The following OR9Q1 variants were observed in gnomAD, a reference collection of about 807,000 sequenced individuals.
OR9Q1 encodes the protein olfactory receptor family 9 subfamily Q member 1.
For missense variants in OR9Q1, 374 were observed against 378.8 expected, an observed-to-expected ratio of 0.99 and a Z score of 0.11; for synonymous variants, 153 against 148.6, an observed-to-expected ratio of 1.03 and a Z score of -0.22.
chr11:58,116,370 C>A (rs948966933), intron 2 of OR9Q1, among the ~76,000 whole-genome samples: 6 of 152,186 alleles, frequency 3.9e-5, no homozygotes, highest in Non-Finnish European at 7.3e-5. Context: ...GTGTGTATAG[C>A]TAGGCCACTG....
At chr11:58,040,846 G>C (rs1293756686) in intron 1 of OR9Q1, 2 of 152,240 alleles carry the variant, frequency 1.3e-5, no homozygotes, top group Non-Finnish European at 2.9e-5. Flanking sequence ...GGAGAAGGAT[G>C]ATGTAGCATT....
intron 1 of OR9Q1, chr11:58,031,376 TG>T: frequency 6.2e-7 from 1 of 1,614,222 alleles, no homozygotes; most frequent in Non-Finnish European, 8.5e-7. Context: ...TTTTGTGTCC[TG>T]GGGCACCTGC....
At chr11:58,035,405 T>C (rs1476418364) in intron 1 of OR9Q1, among the ~76,000 whole-genome samples, 1 of 152,216 alleles carries the variant, frequency 6.6e-6, no homozygotes, top group Non-Finnish European at 1.5e-5. Flanking sequence ...TATAGACTGC[T>C]CCCCTATGTC....
At chr11:58,175,004 G>A (rs997403332) in intron 2 of OR9Q1, among the ~76,000 whole-genome samples, 2 of 149,496 alleles carry the variant, frequency 1.3e-5, no homozygotes, top group African/African-American at 4.9e-5. Context: ...TACTAGGGTG[G>A]CTGAGGCATG....
At chr11:58,118,557 A>G (rs779733614) in intron 2 of OR9Q1, 80 of 1,613,692 alleles carry the variant, frequency 5.0e-5, no homozygotes, top group Non-Finnish European at 6.6e-5. Flanking sequence ...CGTCTTTTAC[A>G]TCTTTGTTTC....
intron 2 of OR9Q1, among the ~76,000 whole-genome samples, chr11:58,099,095 A>T (rs1400408873): frequency 6.6e-6 from 1 of 151,844 alleles, no homozygotes; most frequent in East Asian, 1.9e-4. Context: ...CCAACATGTG[A>T]TCCATTTTGG....
intron 1 of OR9Q1, among the ~76,000 whole-genome samples, chr11:58,027,837 T>C (rs962850045): frequency 5.3e-5 from 8 of 152,204 alleles, no homozygotes; most frequent in Admixed American, 2.0e-4. Flanking sequence ...ATCCTTTCAA[T>C]GTAGCTAATC....
intron 2 of OR9Q1, among the ~76,000 whole-genome samples, chr11:58,132,058 T>C (rs1271265663): frequency 6.6e-6 from 1 of 152,184 alleles, no homozygotes; most frequent in African/African-American, 2.4e-5. Flanking sequence ...TCTTCAACTT[T>C]CTGACTATCC....
chr11:58,146,464 AGTAT>A (rs1854299824), intron 2 of OR9Q1, among the ~76,000 whole-genome samples: 2 of 152,176 alleles, frequency 1.3e-5, no homozygotes, highest in African/African-American at 4.8e-5. Flanking sequence ...GAATATTTTA[AGTAT>A]GTATTATATC....
chr11:58,060,960 A>G (rs1853375372), intron 2 of OR9Q1, among the ~76,000 whole-genome samples: 1 of 152,128 alleles, frequency 6.6e-6, no homozygotes, highest in Non-Finnish European at 1.5e-5. Flanking sequence ...CCTTTGTCAC[A>G]TCATTGCTGA....
At chr11:58,124,605 T>C (rs906379402) in intron 2 of OR9Q1, 1 of 152,214 alleles carries the variant, frequency 6.6e-6, no homozygotes, top group African/African-American at 2.4e-5. Flanking sequence ...GTCAGGTAGA[T>C]GCTAAGCACT....
intron 2 of OR9Q1, among the ~76,000 whole-genome samples, chr11:58,082,102 T>A (rs1471634082): frequency 6.6e-6 from 1 of 152,068 alleles, no homozygotes; most frequent in African/African-American, 2.4e-5. Context: ...CATTAAAAAG[T>A]CAGGAAACAA....
chr11:58,161,724 G>A (rs1013365885), intron 2 of OR9Q1, among the ~76,000 whole-genome samples: 1 of 152,056 alleles, frequency 6.6e-6, no homozygotes, highest in Non-Finnish European at 1.5e-5. Flanking sequence ...TAGAGATGGG[G>A]TTTCGCTCTG....
At chr11:58,102,952 C>G (rs986795460) in intron 2 of OR9Q1, among the ~76,000 whole-genome samples, 4 of 151,960 alleles carry the variant, frequency 2.6e-5, no homozygotes, top group African/African-American at 7.3e-5. Flanking sequence ...TTCACAAGTT[C>G]ATAAATTCTT....
chr11:58,112,534 G>A (rs778811678), intron 2 of OR9Q1, among the ~76,000 whole-genome samples: 1 of 152,052 alleles, frequency 6.6e-6, no homozygotes, highest in African/African-American at 2.4e-5. Flanking sequence ...ATGTCCCGTT[G>A]GACTTGCATA....
At chr11:58,154,295 T>C (rs866763266) in intron 2 of OR9Q1, among the ~76,000 whole-genome samples, 1 of 152,020 alleles carries the variant, frequency 6.6e-6, no homozygotes, top group African/African-American at 2.4e-5. Context: ...CCCAGTGGCC[T>C]GGAGACACAA....
chr11:58,128,783 G>A (rs1854113692), intron 2 of OR9Q1, among the ~76,000 whole-genome samples: 2 of 152,088 alleles, frequency 1.3e-5, no homozygotes, highest in Admixed American at 1.3e-4. Context: ...AATTCCATAT[G>A]TCAAAACATC....
chr11:58,053,358 A>G (rs1853287062), intron 1 of OR9Q1, among the ~76,000 whole-genome samples: 1 of 148,548 alleles, frequency 6.7e-6, no homozygotes, highest in Admixed American at 6.9e-5. Context: ...ACAAAAAACC[A>G]AACACCACAT....
At chr11:58,045,790 C>G (rs1428429840) in intron 1 of OR9Q1, among the ~76,000 whole-genome samples, 1 of 152,214 alleles carries the variant, frequency 6.6e-6, no homozygotes, top group African/African-American at 2.4e-5. Context: ...ACTACAAACA[C>G]TACCTAAGCC....
Sources: gnomAD v4.1 joint callset for allele counts (sites outside exome capture counted in the v4.1 genomes callset) on GRCh38, gnomAD v4.1.1 for gene constraint, MANE v1.5 for transcripts, NCBI Gene and HGNC (gene_info 2026-07-23, HGNC 2026-07-21) for gene names.